The following MAGI2 variants were observed in gnomAD, a reference collection of about 807,000 sequenced individuals.
The protein encoded by MAGI2 is membrane associated guanylate kinase, WW and PDZ domain containing 2.
Under a neutral mutation model 133.3 loss-of-function variants are expected in MAGI2, and 35 were observed. That is an observed-to-expected ratio of 0.26 (90% confidence interval 0.20 to 0.35). The LOEUF (loss-of-function observed/expected upper bound fraction) is 0.35, where lower values mean the gene tolerates loss of function less well. Ranked by LOEUF, MAGI2 falls within the 10% of genes least tolerant of loss-of-function variation. The probability of loss-of-function intolerance (pLI) is 1.00; values close to 1 mark genes in which losing one functional copy is unlikely to be tolerated. For synonymous variants in MAGI2, 729 were observed against 710.6 expected (o/e 1.03, Z -0.41); for missense variants, 1,636 against 1,863.4 (o/e 0.88, Z 2.25).
At chr7:78,502,754 A>G (rs1794735419) in intron 4 of MAGI2, among the ~76,000 whole-genome samples, 1 of 152,220 alleles carries the variant, frequency 6.6e-6, no homozygotes, top group Non-Finnish European at 1.5e-5. Context: ...CAACAGAGCA[A>G]AAACTACCTT....
chr7:78,221,553 G>A (rs1049154160), intron 10 of MAGI2, among the ~76,000 whole-genome samples: 1 of 152,120 alleles, frequency 6.6e-6, no homozygotes, highest in Admixed American at 6.5e-5. Flanking sequence ...TACAGACAGA[G>A]TAAAAGAGGA....
chr7:78,272,961 G>A (rs1047665325), intron 9 of MAGI2, among the ~76,000 whole-genome samples: 6 of 152,144 alleles, frequency 3.9e-5, no homozygotes, highest in African/African-American at 1.4e-4. Flanking sequence ...ATATTGTTAT[G>A]TATGAATTTG....
intron 2 of MAGI2, among the ~76,000 whole-genome samples, chr7:78,670,497 C>T (rs1204976580): frequency 6.6e-6 from 1 of 152,114 alleles, no homozygotes; most frequent in Admixed American, 6.5e-5. Flanking sequence ...CCATACTGCC[C>T]AAGGTAATTT....
intron 2 of MAGI2, among the ~76,000 whole-genome samples, chr7:78,635,498 C>T (rs1264522446): frequency 6.6e-6 from 1 of 152,206 alleles, no homozygotes; most frequent in Admixed American, 6.5e-5. Context: ...TGCCGCATGG[C>T]AGGTACCCAA....
chr7:78,712,247 G>A (rs1819266547), intron 2 of MAGI2, among the ~76,000 whole-genome samples: 1 of 152,160 alleles, frequency 6.6e-6, no homozygotes, highest in Non-Finnish European at 1.5e-5. Flanking sequence ...ATTTCAAGCT[G>A]ATGGAAAGAT....
At chr7:78,582,486 C>A (rs1272624453) in intron 3 of MAGI2, among the ~76,000 whole-genome samples, 1 of 152,172 alleles carries the variant, frequency 6.6e-6, no homozygotes, top group South Asian at 2.1e-4. Flanking sequence ...TATGTGATTT[C>A]CAGGCCTAAG....
At chr7:79,321,222 C>CA (rs1280452405) in intron 1 of MAGI2, among the ~76,000 whole-genome samples, 1 of 152,160 alleles carries the variant, frequency 6.6e-6, no homozygotes, top group African/African-American at 2.4e-5. Flanking sequence ...GATACATTTA[C>CA]ATTTTACTAA....
intron 1 of MAGI2, among the ~76,000 whole-genome samples, chr7:79,123,510 G>A (rs748291032): frequency 2.0e-5 from 3 of 152,102 alleles, no homozygotes; most frequent in African/African-American, 7.2e-5. Flanking sequence ...ATGCAGCCAG[G>A]TGTGATTCCT....
chr7:78,341,445 C>T (rs1313717884), intron 9 of MAGI2, among the ~76,000 whole-genome samples: 1 of 152,028 alleles, frequency 6.6e-6, no homozygotes, highest in Non-Finnish European at 1.5e-5. Context: ...CTTCACAGAA[C>T]TGGAAAAAAC....
intron 1 of MAGI2, among the ~76,000 whole-genome samples, chr7:79,428,443 C>T (rs995719641): frequency 3.3e-5 from 5 of 152,072 alleles, no homozygotes; most frequent in Admixed American, 6.6e-5. Context: ...TAACTTGTAC[C>T]TTCATGACCA....
chr7:78,708,946 A>T (rs1424390138), intron 2 of MAGI2, among the ~76,000 whole-genome samples: 1 of 152,014 alleles, frequency 6.6e-6, no homozygotes, highest in African/African-American at 2.4e-5. Context: ...AAACTCCTTC[A>T]TATAATAAAT....
At chr7:78,454,277 TC>T (rs1180404096) in intron 6 of MAGI2, among the ~76,000 whole-genome samples, 14 of 152,204 alleles carry the variant, frequency 9.2e-5, no homozygotes, top group African/African-American at 2.7e-4. Flanking sequence ...GAGCTTATGA[TC>T]CATAGACTCT....
chr7:78,769,793 A>G (rs1825396573), intron 2 of MAGI2, among the ~76,000 whole-genome samples: 1 of 152,146 alleles, frequency 6.6e-6, no homozygotes, highest in Non-Finnish European at 1.5e-5. Flanking sequence ...CCCCATTACA[A>G]ATGTGATTCC....
chr7:78,367,569 C>T (rs754341976), intron 7 of MAGI2, among the ~76,000 whole-genome samples: 6 of 152,194 alleles, frequency 3.9e-5, no homozygotes, highest in Admixed American at 6.5e-5. Context: ...TATTGTCCTC[C>T]ACCCCAAATA....
At chr7:78,956,572 A>T (rs1802396258) in intron 2 of MAGI2, among the ~76,000 whole-genome samples, 1 of 152,174 alleles carries the variant, frequency 6.6e-6, no homozygotes, top group Admixed American at 6.5e-5. Context: ...TATTTCCTAC[A>T]TTCTATTTTC....
chr7:78,294,044 T>C (rs1350603475), intron 9 of MAGI2, among the ~76,000 whole-genome samples: 1 of 151,902 alleles, frequency 6.6e-6, no homozygotes, highest in South Asian at 2.1e-4. Flanking sequence ...CACCTGCACA[T>C]TGTGCACATG....
At chr7:79,350,020 T>A (rs1841587039) in intron 1 of MAGI2, among the ~76,000 whole-genome samples, 1 of 152,110 alleles carries the variant, frequency 6.6e-6, no homozygotes, top group Non-Finnish European at 1.5e-5. Context: ...AATTTTGTTT[T>A]CTTTCCTAAT....
At chr7:78,742,120 C>T (rs751980487) in intron 2 of MAGI2, among the ~76,000 whole-genome samples, 14 of 151,716 alleles carry the variant, frequency 9.2e-5, no homozygotes, top group Non-Finnish European at 1.9e-4. Flanking sequence ...ACATAGTGCT[C>T]AAAATAAAGA....
At chr7:79,121,363 C>A (rs981678657) in intron 1 of MAGI2, among the ~76,000 whole-genome samples, 2 of 152,090 alleles carry the variant, frequency 1.3e-5, no homozygotes, top group African/African-American at 4.8e-5. Context: ...GTTCTACATC[C>A]TTTCTGCTTT....
Sources: gnomAD v4.1 joint callset for allele counts (sites outside exome capture counted in the v4.1 genomes callset) on GRCh38, gnomAD v4.1.1 for gene constraint, MANE v1.5 for transcripts, NCBI Gene and HGNC (gene_info 2026-07-23, HGNC 2026-07-21) for gene names.